Variants in BICRA observed in about 807,000 individuals in gnomAD.
BICRA encodes the protein BRD4 interacting chromatin remodeling complex associated protein.
A neutral mutation model predicts 96.9 loss-of-function variants in BICRA; 31 were observed. That is an observed-to-expected ratio of 0.32 (90% CI 0.24 to 0.43). The LOEUF is 0.43. Among genes scored for constraint, BICRA ranks in the 20% least tolerant of loss-of-function variants. The pLI is 1.00. For synonymous variants in BICRA, 1,350 were observed against 1,071.8 expected, an observed-to-expected ratio of 1.26 and a Z score of -5.07; for missense variants, 2,283 against 2,190.3, an observed-to-expected ratio of 1.04 and a Z score of -0.84.
At chr19:47,612,365 G>A (rs1301655694) in intron 1 of BICRA, among the ~76,000 whole-genome samples, 1 of 151,680 alleles carries the variant, frequency 6.6e-6, no homozygotes, top group African/African-American at 2.4e-5. Flanking sequence ...GGGGTGAGCC[G>A]TGATTGTGCC....
intron 2 of BICRA, among the ~76,000 whole-genome samples, chr19:47,672,078 T>TGGATGGAA (rs1243234684): frequency 4.0e-4 from 49 of 121,236 alleles, no homozygotes; most frequent in Admixed American, 1.4e-3. Flanking sequence ...GATGGGTGGA[T>TGGATGGAA]GGATGGAGGG....
At chr19:47,688,792 C>CA (rs199563020) in intron 7 of BICRA, among the ~76,000 whole-genome samples, 38 of 149,274 alleles carry the variant, frequency 2.5e-4, no homozygotes, top group African/African-American at 6.4e-4. Flanking sequence ...GACTCCGTCT[C>CA]AAAAAAAAAA....
At chr19:47,689,202 C>A (rs1216075843) in intron 7 of BICRA, among the ~76,000 whole-genome samples, 8 of 152,044 alleles carry the variant, frequency 5.3e-5, no homozygotes, top group Non-Finnish European at 4.4e-5. Flanking sequence ...AACCCCCCGA[C>A]CCCAATTTTA....
chr19:47,670,258 G>T (rs762099590), intron 1 of BICRA, among the ~76,000 whole-genome samples, 185 bp from the exon 2 acceptor site: 1 of 152,110 alleles, frequency 6.6e-6, no homozygotes, highest in Non-Finnish European at 1.5e-5. Flanking sequence ...CAGCCATTTT[G>T]TGTGATTCTA....
rs1347081905 is a variant in BICRA at position 47,699,636 on chromosome 19, C to T, written c.3595+231C>T. 2.0e-5 allele frequency among the ~76,000 whole-genome samples: 3 copies of T among 152,174 alleles called. No homozygotes were observed. Among genetic ancestry groups the T allele is most frequent in the Admixed American group, 2.0e-4 (3 of 15,282 alleles). On this transcript the variant is annotated intron_variant, in intron 14 of 14. Transcript: ENST00000594866. This position sits in a 1 kb window ranked among gnomAD's most constrained non-coding sequence, Gnocchi z 5.0. ...CATCCCTGTGTGGCCCTTCCACCCC[C>T]ACCACTCTGGGATGGGGGGAATATT...
intron 6 of BICRA, 51 bp downstream of exon 6, chr19:47,681,327 G>A: frequency 1.3e-6 from 2 of 1,483,300 alleles, no homozygotes; most frequent in Non-Finnish European, 9.1e-7. Flanking sequence ...GGGTTTGGGA[G>A]GAAGAGGGGT....
chr19:47,651,214 C>T (rs188289273), intron 1 of BICRA, among the ~76,000 whole-genome samples: 284 of 152,248 alleles, frequency 1.9e-3, no homozygotes, highest in Non-Finnish European at 3.2e-3. Context: ...CCGGAGCCCT[C>T]CCTCAGCCCT....
chr19:47,652,753 T>G (rs948234189), intron 1 of BICRA, among the ~76,000 whole-genome samples: 6 of 152,216 alleles, frequency 3.9e-5, no homozygotes, highest in Non-Finnish European at 5.9e-5. Flanking sequence ...AAAATTATTT[T>G]GAAAACTATG....
In BICRA at chr19:47,702,153, G is replaced by A. The variant is rs1286711636; in HGVS notation, c.4421G>A (p.Arg1474Gln). 3.2e-6 allele frequency: 5 copies of A among 1,556,966 alleles called. No individual in the cohort carries two copies. Among genetic ancestry groups the A allele is most frequent in the African/African-American group, 1.4e-5 (1 of 72,326 alleles). Residue 1474 changes from arginine (R) to glutamine (Q), a missense_variant, in exon 15 of 15, where the codon CGG (arginine) becomes CAG (glutamine). Arg to Gln is a conservative substitution (Grantham distance 43, BLOSUM62 1). Coordinates refer to ENST00000594866, the MANE Select transcript of BICRA (RefSeq NM_001394372.1). ...GCGCCCGGGCTGCCCCCTGCCAAGCGGCGCAAGTCCGAGTCGCCCGACGTG... is the reference window on the plus strand; with the variant it reads ...GCGCCCGGGCTGCCCCCTGCCAAGCAGCGCAAGTCCGAGTCGCCCGACGTG... ...WEAPGLPPAK[R>Q]RKSESPDVDQ...
At position 47,679,977 on chromosome 19, in the gene BICRA, C is replaced by T. The variant is rs374629203; in HGVS notation, c.807C>T (p.Pro269=). Residue 269 remains proline (P), a synonymous_variant, in exon 6 of 15, where the codon CCC becomes CCT. Transcript: ENST00000594866. ...GCTACCTGGCCTCGGCGGCTGGCCC[C>T]TCGGAGCCCGTGACGCTGGCGTCGG... ...VSGYLASAAG[P]SEPVTLASAG... The T allele has an allele frequency of 2.5e-5, 37 of 1,482,140 alleles. No homozygotes were observed. The highest frequency in any genetic ancestry group is 2.9e-5 in the African/African-American group (2 of 69,436). 91.8% of individuals were successfully genotyped at this position (1,482,140 alleles called of 1,614,324 possible).
intron 7 of BICRA, among the ~76,000 whole-genome samples, chr19:47,686,221 A>G (rs1422811769): frequency 6.6e-6 from 1 of 151,762 alleles, no homozygotes; most frequent in Non-Finnish European, 1.5e-5. Flanking sequence ...ATGAGCCACC[A>G]TGCCCGGCAC....
At chr19:47,687,568 G>A (rs182204848) in intron 7 of BICRA, among the ~76,000 whole-genome samples, 7 of 152,012 alleles carry the variant, frequency 4.6e-5, no homozygotes, top group South Asian at 2.1e-4. Context: ...AGGCCGAGGC[G>A]GGCAATCACC....
chr19:47,692,865 C>G (rs1973262154), intron 7 of BICRA, among the ~76,000 whole-genome samples: 1 of 152,158 alleles, frequency 6.6e-6, no homozygotes, highest in Non-Finnish European at 1.5e-5. Context: ...TGGCTGTCCT[C>G]GGGCAGATAT....
intron 2 of BICRA, 94 bp from the exon 3 acceptor site, chr19:47,673,476 C>A (rs995516653): frequency 1.5e-5 from 15 of 968,258 alleles, no homozygotes; most frequent in Non-Finnish European, 2.2e-5. Flanking sequence ...ACTCTGACCC[C>A]CTCCAGGGGG....
chr19:47,623,179 C>T (rs57594890), intron 1 of BICRA, among the ~76,000 whole-genome samples: 2,440 of 152,180 alleles, frequency 0.016, 74 homozygotes, highest in African/African-American at 0.056. Flanking sequence ...TTCCCCTCCC[C>T]GTCAGCGACC....
intron 1 of BICRA, among the ~76,000 whole-genome samples, chr19:47,611,320 G>C: frequency 6.6e-6 from 1 of 152,076 alleles, no homozygotes; most frequent in East Asian, 1.9e-4. Flanking sequence ...GATGCACCTC[G>C]AAGTTGGGCT....
intron 1 of BICRA, among the ~76,000 whole-genome samples, chr19:47,652,638 AAC>A (rs1972556785): frequency 6.6e-6 from 1 of 152,238 alleles, no homozygotes; most frequent in Non-Finnish European, 1.5e-5. Flanking sequence ...GGCTGCAAGT[AAC>A]AGTTGACTTG....
chr19:47,665,856 G>A (rs1355863869), intron 1 of BICRA, among the ~76,000 whole-genome samples: 2 of 152,226 alleles, frequency 1.3e-5, no homozygotes, highest in Non-Finnish European at 1.5e-5. Context: ...GTACCTGGCT[G>A]AAGCAGGAGA....
At chr19:47,659,084 A>G (rs1972665711) in intron 1 of BICRA, among the ~76,000 whole-genome samples, 1 of 152,206 alleles carries the variant, frequency 6.6e-6, no homozygotes, top group South Asian at 2.1e-4. Context: ...CTGCAGCTTT[A>G]TAGCTGTATT....
Sources: allele counts gnomAD v4.1 joint callset (sites outside exome capture counted in the v4.1 genomes callset), GRCh38; gene constraint gnomAD v4.1.1; non-coding constraint Gnocchi (gnomAD v3.1); transcripts MANE v1.5; gene names NCBI Gene and HGNC (gene_info 2026-07-23, HGNC 2026-07-21).